SLC13A3: variants seen among roughly 807,000 people sequenced by gnomAD.
SLC13A3 encodes the protein Na(+)/dicarboxylate cotransporter 3.
A neutral mutation model predicts 59.0 loss-of-function variants in SLC13A3; 40 were observed. The ratio of observed to expected loss-of-function variants is 0.68; its 90% confidence interval spans 0.53 to 0.88. The LOEUF (loss-of-function observed/expected upper bound fraction) is 0.88, where lower values mean the gene tolerates loss of function less well. SLC13A3 is among the 40% of genes least tolerant of loss of function. The pLI is 0.00. For missense variants in SLC13A3, 699 were observed against 783.2 expected (o/e 0.89, Z 1.28); for synonymous variants, 317 against 330.3 (o/e 0.96, Z 0.44).
At chr20:46,583,720 G>A (rs749152171) in intron 8 of SLC13A3, 51 bp from the exon 9 acceptor site, 26 of 1,607,308 alleles carry the variant, frequency 1.6e-5, no homozygotes, top group Admixed American at 5.1e-5. Flanking sequence ...TCAGCGGGCC[G>A]AGGTTTGGCA....
intron 8 of SLC13A3, chr20:46,584,169 A>G: frequency 2.0e-6 from 2 of 985,348 alleles, no homozygotes; most frequent in Non-Finnish European, 2.4e-6. Context: ...AAGCATCCAC[A>G]ATGTGTCCTT....
intron 1 of SLC13A3, among the ~76,000 whole-genome samples, chr20:46,676,407 A>C (rs2063125743): frequency 1.5e-5 from 2 of 132,756 alleles, no homozygotes; most frequent in African/African-American, 3.0e-5. Flanking sequence ...CCACTCTCTC[A>C]ACTCTTTTTT....
intron 1 of SLC13A3, among the ~76,000 whole-genome samples, chr20:46,664,965 A>G (rs1443618554): frequency 6.6e-6 from 1 of 152,194 alleles, no homozygotes; most frequent in East Asian, 1.9e-4. Flanking sequence ...CTGAAAGCCC[A>G]AGTAGGGATT....
intron 1 of SLC13A3, among the ~76,000 whole-genome samples, chr20:46,650,367 C>G (rs1198275014): frequency 6.6e-6 from 1 of 152,126 alleles, no homozygotes. Context: ...TGGTTTTCTC[C>G]TCTGGAAAAT....
At chr20:46,626,099 CTCTCTCTCTCTCTCTCTCTCTCTG>C (rs1486449736) in intron 1 of SLC13A3, among the ~76,000 whole-genome samples, 2 of 144,368 alleles carry the variant, frequency 1.4e-5, no homozygotes, top group East Asian at 4.0e-4. Context: ...AAGCTGTATT[CTCTCTCTCTCTCTCTCTCTCTCTG>C]TCTCTCTCTC....
At chr20:46,626,234 T>TTTTCTC (rs1464468772) in intron 1 of SLC13A3, among the ~76,000 whole-genome samples, 1 of 139,658 alleles carries the variant, frequency 7.2e-6, no homozygotes, top group Admixed American at 7.2e-5. Flanking sequence ...CTCCCCCTCC[T>TTTTCTC]TTTCTCTTTC....
chr20:46,565,260 C>A (rs2061969544), intron 11 of SLC13A3, among the ~76,000 whole-genome samples: 1 of 152,174 alleles, frequency 6.6e-6, no homozygotes, highest in Non-Finnish European at 1.5e-5. Context: ...CCCTTGCTCT[C>A]CTTACCTGGT....
At chr20:46,679,660 C>T (rs1394615148) in intron 1 of SLC13A3, among the ~76,000 whole-genome samples, 2 of 151,948 alleles carry the variant, frequency 1.3e-5, no homozygotes, top group African/African-American at 4.8e-5. Flanking sequence ...GTAATCCCAG[C>T]ATTTTGGGAG....
rs200185428 is a variant in SLC13A3 at position 46,596,332 on chromosome 20, G to C, written c.619C>G (p.Pro207Ala). ...FLASTEAKDH[P>A]GETEVPLDLP... The stretch of plus-strand genomic sequence containing the variant: ...TCCAGTGGAACCTCTGTCTCCCCAG[G>C]GTGGTCTTTGCTTTAAACAAATCCA... The change falls in exon 5 of 13, where the codon CCT (proline) becomes GCT (alanine). Residue 207 changes from proline to alanine, a missense_variant. Physicochemically the swap from Pro to Ala is conservative, Grantham distance 27. Transcript: ENST00000279027. The C allele has an allele frequency of 1.2e-5, 19 of 1,613,992 alleles. No homozygotes were observed. In the Middle Eastern group the frequency reaches 5.0e-4, roughly 42 times the overall value.
chr20:46,575,548 G>A (rs2062067199), intron 10 of SLC13A3, 25 bp downstream of exon 10: 2 of 1,428,508 alleles, frequency 1.4e-6, no homozygotes, highest in Non-Finnish European at 1.9e-6. Context: ...TGTTCCTGCT[G>A]GTTGGGGGAG....
chr20:46,578,118 G>A (rs2062097270), intron 9 of SLC13A3, among the ~76,000 whole-genome samples: 1 of 151,604 alleles, frequency 6.6e-6, no homozygotes, highest in Non-Finnish European at 1.5e-5. Context: ...TTTTAGTAGA[G>A]ACGGGGTTTC....
At chr20:46,587,523 A>T (rs2062206434) in intron 8 of SLC13A3, among the ~76,000 whole-genome samples, 1 of 152,158 alleles carries the variant, frequency 6.6e-6, no homozygotes, top group Non-Finnish European at 1.5e-5. Flanking sequence ...CTCAGGCTTC[A>T]GTAGACATTC....
At chr20:46,612,706 A>C (rs2062511631) in intron 2 of SLC13A3, among the ~76,000 whole-genome samples, 1 of 152,188 alleles carries the variant, frequency 6.6e-6, no homozygotes, top group African/African-American at 2.4e-5. Flanking sequence ...GAAGATCCTT[A>C]AGATTCACCA....
chr20:46,622,305 G>A (rs1241517670), intron 1 of SLC13A3, among the ~76,000 whole-genome samples: 9 of 152,242 alleles, frequency 5.9e-5, no homozygotes, highest in South Asian at 2.1e-4. Context: ...GGTGGATGCC[G>A]GCTCAAATAA....
chr20:46,648,733 C>A (rs1026317982), intron 1 of SLC13A3, among the ~76,000 whole-genome samples: 4 of 151,970 alleles, frequency 2.6e-5, no homozygotes, highest in African/African-American at 9.7e-5. Flanking sequence ...AGTGAAACCC[C>A]GTCTCTACTA....
rs1448086596 is a variant in SLC13A3, at chr20:46,558,177, C to T, written c.*1845G>A. On this transcript the variant is annotated 3_prime_UTR_variant, in exon 13 of 13. Transcript: ENST00000279027. Reference sequence around the variant, plus strand: ...TAGACAGGAGGTCAGGGAAGCCTCTCAGGGAAGGTGACACCTGAGCAGGGA... The same window carrying T: ...TAGACAGGAGGTCAGGGAAGCCTCTTAGGGAAGGTGACACCTGAGCAGGGA... 6.6e-6 allele frequency: 1 copy of T among 152,188 alleles called. No homozygotes were observed. The highest frequency in any genetic ancestry group is 1.5e-5 in the Non-Finnish European group (1 of 68,062). 9.4% of individuals were successfully genotyped at this position (152,188 alleles called of 1,614,324 possible). A position where few individuals can be genotyped will look rare whatever the true frequency, so the allele number is the denominator to read the frequency against.
chr20:46,568,862 A>C (rs961651613), intron 10 of SLC13A3, among the ~76,000 whole-genome samples: 7 of 152,264 alleles, frequency 4.6e-5, no homozygotes, highest in Non-Finnish European at 8.8e-5. Flanking sequence ...TCGCAGCCAC[A>C]CAGGCCTTGG....
chr20:46,651,457 A>G lies in SLC13A3; in HGVS notation c.-36T>C. 2 of 1,398,276 alleles carry G rather than the reference A, an allele frequency of 1.4e-6. No homozygotes were observed. The highest frequency in any genetic ancestry group is 1.8e-6 in the Non-Finnish European group (2 of 1,086,632). 86.6% of individuals were successfully genotyped at this position (1,398,276 alleles called of 1,614,324 possible). A position where few individuals can be genotyped will look rare whatever the true frequency, so the allele number is the denominator to read the frequency against. ...GCCTGGCGGTACGGGCCGGCCCGGG[A>G]CTGCCCCGCCTGGCCCCGGCGCCGG... On this transcript the variant is annotated 5_prime_UTR_variant, in exon 1 of 13. Coordinates refer to ENST00000279027, the MANE Select transcript of SLC13A3 (RefSeq NM_022829.6).
intron 1 of SLC13A3, among the ~76,000 whole-genome samples, chr20:46,629,367 C>G (rs2062713112): frequency 6.6e-6 from 1 of 152,166 alleles, no homozygotes; most frequent in African/African-American, 2.4e-5. Context: ...AATGTTACCA[C>G]AATTTGTCTT....
Sources: gnomAD v4.1 joint callset for allele counts (sites outside exome capture counted in the v4.1 genomes callset) on GRCh38, gnomAD v4.1.1 for gene constraint, MANE v1.5 for transcripts, NCBI Gene and HGNC (gene_info 2026-07-23, HGNC 2026-07-21) for gene names.